TBCD: variants seen among roughly 807,000 people sequenced by gnomAD.
The protein encoded by TBCD is tubulin folding cofactor D, also known as tubulin-specific chaperone D.
In TBCD, 105 loss-of-function variants were observed where a neutral mutation model predicts 169.3. That is an observed-to-expected ratio of 0.62 (90% CI 0.53 to 0.73). TBCD has a LOEUF of 0.73. Among genes scored for constraint, TBCD ranks in the 30% least tolerant of loss-of-function variants. The pLI is 0.00. For missense variants in TBCD, 1,444 were observed against 1,600.1 expected, an observed-to-expected ratio of 0.90 and a Z score of 1.66; for synonymous variants, 700 against 643.9, an observed-to-expected ratio of 1.09 and a Z score of -1.32.
Position 82,903,268 on chromosome 17 carries a change from T to C in TBCD, c.1731-137T>C. On this transcript the variant is annotated intron_variant, in intron 18 of 38. Transcript: ENST00000355528. This position sits in a 1 kb window ranked among gnomAD's most constrained non-coding sequence, Gnocchi z 4.8. ...AGTCGGAGGTTCTTGTACTGGTTCGTGTGAGTGAGTGAGTGAGCCTCTGCT... is the reference window on the plus strand; with the variant it reads ...AGTCGGAGGTTCTTGTACTGGTTCGCGTGAGTGAGTGAGTGAGCCTCTGCT... The C allele has an allele frequency of 1.2e-5, 9 of 747,064 alleles. No homozygotes were observed. Among genetic ancestry groups the C allele is most frequent in the Non-Finnish European group, 2.1e-5 (9 of 435,684 alleles). The allele number at this position is 747,064 out of a possible 1,614,324, so 46.3% of individuals were successfully genotyped here.
intron 7 of TBCD, among the ~76,000 whole-genome samples, chr17:82,796,417 CAA>C (rs1176696441): frequency 6.6e-6 from 1 of 152,218 alleles, no homozygotes; most frequent in African/African-American, 2.4e-5. Context: ...TTTGGGCAAA[CAA>C]GGATCATCTC....
intron 13 of TBCD, among the ~76,000 whole-genome samples, chr17:82,834,065 C>G (rs1316794996): frequency 6.6e-6 from 1 of 152,216 alleles, no homozygotes; most frequent in African/African-American, 2.4e-5. Flanking sequence ...CTGCCTCAGC[C>G]TCCCGAGTAG....
chr17:82,796,188 C>T (rs7215667), intron 7 of TBCD: 12,782 of 152,278 alleles, frequency 0.084, 1,407 homozygotes, highest in African/African-American at 0.25. Context: ...GTGCTTGGCC[C>T]TGCGACTGCC....
At chr17:82,919,229 T>G (rs1599552592) in intron 23 of TBCD, among the ~76,000 whole-genome samples, 1 of 152,166 alleles carries the variant, frequency 6.6e-6, no homozygotes, top group Admixed American at 6.5e-5. Context: ...CCTCGCTGGG[T>G]TTTTCTAACT....
rs987049340 is a variant in TBCD, at chr17:82,807,622, G to A, written c.1102G>A (p.Gly368Arg). Reference protein sequence around the residue: ...VERVIEQLLVGLKDKDTVVRW... With the variant: ...VERVIEQLLVRLKDKDTVVRW... ...TCTTCCTACAGAGCAGCTGCTGGTC[G>A]GGCTGAAGGACAAGGACACGGTCGT... The change falls in exon 11 of 39, where the codon GGG becomes AGG. Residue 368 changes from glycine to arginine, a missense_variant. By Grantham distance (125) the Gly-to-Arg change is moderately radical. Transcript: ENST00000355528. 1.3e-5 allele frequency: 20 copies of A among 1,546,322 alleles called. No individual in the cohort carries two copies. Among genetic ancestry groups the A allele is most frequent in the Admixed American group, 2.0e-5 (1 of 50,348 alleles).
intron 13 of TBCD, among the ~76,000 whole-genome samples, chr17:82,863,373 C>CA (rs1474382075): frequency 6.6e-6 from 1 of 152,210 alleles, no homozygotes; most frequent in Non-Finnish European, 1.5e-5. Flanking sequence ...GGTGTCTGTA[C>CA]AGGACCCTTC....
rs754640719 is a variant in TBCD, at chr17:82,889,735, C to G, written c.1563+38C>G. The G allele has an allele frequency of 6.2e-7, 1 of 1,611,436 alleles. No individual in the cohort carries two copies. The highest frequency in any genetic ancestry group is 8.5e-7 in the Non-Finnish European group (1 of 1,178,852). ...TCAAACACCTTTATTCCAAAAACTT[C>G]CTGCGGGTTTATAGGTAGGAATCTT... On this transcript the variant is annotated intron_variant, in intron 16 of 38. Coordinates refer to ENST00000355528, the MANE Select transcript of TBCD (RefSeq NM_005993.5). This position sits in a 1 kb window ranked among gnomAD's most constrained non-coding sequence, Gnocchi z 5.3.
chr17:82,795,190 C>T (rs1033678818), intron 7 of TBCD, among the ~76,000 whole-genome samples: 4 of 152,232 alleles, frequency 2.6e-5, no homozygotes, highest in African/African-American at 9.6e-5. Flanking sequence ...TTCACAGTGT[C>T]TTGGATTCTT....
intron 22 of TBCD, among the ~76,000 whole-genome samples, chr17:82,910,856 C>T (rs528834500): frequency 3.3e-5 from 5 of 152,340 alleles, no homozygotes; most frequent in Non-Finnish European, 5.9e-5. Flanking sequence ...TGAGCCACCG[C>T]GCCCAGCCTC....
intron 4 of TBCD, among the ~76,000 whole-genome samples, chr17:82,767,693 G>C (rs955336744): frequency 6.6e-6 from 1 of 152,054 alleles, no homozygotes; most frequent in Non-Finnish European, 1.5e-5. Context: ...ACGGTGGCTC[G>C]TGCCTGTAAT....
rs143923623 is a variant in TBCD at position 82,890,384 on chromosome 17, G to A, written c.1563+687G>A. 0.016 allele frequency among the ~76,000 whole-genome samples: 2,395 copies of A among 152,256 alleles called. 31 individuals carry two copies. The highest frequency in any genetic ancestry group is 0.041 in the East Asian group (213 of 5,168). ...CAGCCGAGAAGGCTCTGGAGTTCCC[G>A]GACAGCAAAGCAAATGCAGCCGGGG... On this transcript the variant is annotated intron_variant, in intron 16 of 38. Transcript: ENST00000355528. The surrounding 1 kb of genome is among the most constrained non-coding windows in gnomAD (Gnocchi z 5.3).
chr17:82,759,856 A>G (rs1384593404), intron 2 of TBCD, among the ~76,000 whole-genome samples: 1 of 144,862 alleles, frequency 6.9e-6, no homozygotes, highest in Non-Finnish European at 1.5e-5. Context: ...ACCTATCTGT[A>G]TGCTCTTTTT....
rs1599562335 is a variant in TBCD, at chr17:82,920,496, C to T, written c.2039-60C>T. On this transcript the variant is annotated intron_variant, in intron 23 of 38. Transcript: ENST00000355528. The surrounding 1 kb of genome is among the most constrained non-coding windows in gnomAD (Gnocchi z 4.1). ...CTCAGAATGTGGCAAAGGCAAGCCG[C>T]TGTGGCAGGCGCTTTTAGAAAAGTA... 5 of 1,443,444 alleles carry T rather than the reference C, an allele frequency of 3.5e-6. No individual in the cohort carries two copies. Among genetic ancestry groups the T allele is most frequent in the Non-Finnish European group, 4.7e-6 (5 of 1,069,174 alleles). The allele number at this position is 1,443,444 out of a possible 1,614,324, so 89.4% of individuals were successfully genotyped here.
intron 34 of TBCD, among the ~76,000 whole-genome samples, chr17:82,933,657 G>A (rs568928122): frequency 2.3e-4 from 35 of 151,884 alleles, no homozygotes; most frequent in African/African-American, 8.2e-4. Context: ...TTGCTCTGTT[G>A]CCCAGGGTGT....
In TBCD at chr17:82,833,196, C is replaced by T. The variant is rs2145298633; in HGVS notation, c.1318+18262C>T. Among the ~76,000 whole-genome samples, 1 of 152,194 alleles carries T rather than the reference C, an allele frequency of 6.6e-6. No individual in the cohort carries two copies. Among genetic ancestry groups the T allele is most frequent in the East Asian group, 1.9e-4 (1 of 5,152 alleles). ...TCACAGAGTGCCCCTCACTTTTACA[C>T]AGAGCGTGGGCTGGCCACCGTCTAC... On this transcript the variant is annotated intron_variant, in intron 13 of 38. Transcript: ENST00000355528. The surrounding 1 kb of genome is among the most constrained non-coding windows in gnomAD (Gnocchi z 4.7).
Position 82,884,145 on chromosome 17 carries a change from T to C in TBCD, c.1476T>C (p.Ser492=). The part of the protein sequence containing the change: ...ELKPFVTAIS[S]ALVIAAVFDR... ...AATTAATCCTTTCTCTTTTTCACAG[T>C]GCACTGGTGATTGCTGCGGTGTTTG... The change falls in exon 15 of 39, where the codon AGT becomes AGC. Residue 492 remains serine (S), a splice_region_variant and synonymous_variant. Coordinates refer to ENST00000355528, the MANE Select transcript of TBCD (RefSeq NM_005993.5). The surrounding 1 kb of genome is among the most constrained non-coding windows in gnomAD (Gnocchi z 4.2). 6.2e-7 allele frequency: 1 copy of C among 1,608,406 alleles called. No individual in the cohort carries two copies. Among genetic ancestry groups the C allele is most frequent in the East Asian group, 2.2e-5 (1 of 44,786 alleles).
At chr17:82,867,893 G>T (rs899891460) in intron 13 of TBCD, among the ~76,000 whole-genome samples, 1 of 152,178 alleles carries the variant, frequency 6.6e-6, no homozygotes, top group African/African-American at 2.4e-5. Flanking sequence ...TGGTGCTGCC[G>T]GCTCTGACCT....
intron 9 of TBCD, among the ~76,000 whole-genome samples, chr17:82,805,306 T>A (rs549881254): frequency 6.6e-6 from 1 of 152,296 alleles, no homozygotes; most frequent in East Asian, 1.9e-4. Flanking sequence ...AGGAGCCAGG[T>A]CCCAGGGTCT....
chr17:82,814,619 G>A (rs182335970), intron 12 of TBCD, among the ~76,000 whole-genome samples: 24 of 152,328 alleles, frequency 1.6e-4, no homozygotes, highest in Non-Finnish European at 2.1e-4. Context: ...TGGTTCAAGC[G>A]ATTCTCCTGC....
Sources: gnomAD v4.1 joint callset for allele counts (sites outside exome capture counted in the v4.1 genomes callset) on GRCh38, gnomAD v4.1.1 for gene constraint, Gnocchi (gnomAD v3.1) non-coding constraint, MANE v1.5 for transcripts, NCBI Gene and HGNC (gene_info 2026-07-23, HGNC 2026-07-21) for gene names.